The following ARB2A variants were observed in gnomAD, a reference collection of about 807,000 sequenced individuals.
The protein encoded by ARB2A is ARB2 cotranscriptional regulator A.
the ARB2A span, among the ~76,000 whole-genome samples, chr5:94,069,016 C>T: frequency 1.3e-5 from 2 of 148,232 alleles, no homozygotes; most frequent in East Asian, 2.0e-4. Flanking sequence ...GCCTCGGCAA[C>T]AATAGTGAAA....
At chr5:93,892,865 C>A in the ARB2A span, among the ~76,000 whole-genome samples, 1 of 152,120 alleles carries the variant, frequency 6.6e-6, no homozygotes, top group African/African-American at 2.4e-5. Context: ...GAGTCCTTAG[C>A]AGATTACTTA....
At chr5:93,998,689 G>C in the ARB2A span, among the ~76,000 whole-genome samples, 2 of 151,908 alleles carry the variant, frequency 1.3e-5, no homozygotes, top group Non-Finnish European at 1.5e-5. Flanking sequence ...AGTTTAAAGA[G>C]ATATTCCATT....
At chr5:94,003,212 T>C in the ARB2A span, among the ~76,000 whole-genome samples, 2 of 152,186 alleles carry the variant, frequency 1.3e-5, no homozygotes, top group East Asian at 3.8e-4. Context: ...ATTAGTCAAT[T>C]TGATAGAGTA....
the ARB2A span, among the ~76,000 whole-genome samples, chr5:93,810,321 TTCTA>T: frequency 1.3e-5 from 2 of 151,998 alleles, no homozygotes; most frequent in East Asian, 1.9e-4. Flanking sequence ...TCCTCAATCT[TTCTA>T]TCTGTCAAAC....
At chr5:94,094,080 G>A in the ARB2A span, among the ~76,000 whole-genome samples, 1 of 152,156 alleles carries the variant, frequency 6.6e-6, no homozygotes, top group South Asian at 2.1e-4. Context: ...AAAGCCACAT[G>A]TACATTTTAA....
the ARB2A span, among the ~76,000 whole-genome samples, chr5:93,630,844 G>A: frequency 9.2e-5 from 14 of 152,224 alleles, no homozygotes; most frequent in Admixed American, 8.5e-4. Flanking sequence ...AGGCTGAGGT[G>A]AGAGAATCGT....
At chr5:93,703,412 G>C in the ARB2A span, among the ~76,000 whole-genome samples, 2 of 152,182 alleles carry the variant, frequency 1.3e-5, no homozygotes, top group African/African-American at 4.8e-5. Flanking sequence ...TAAGCTGTTG[G>C]GAGCAAATAA....
At chr5:93,725,642 A>G in the ARB2A span, among the ~76,000 whole-genome samples, 1 of 152,116 alleles carries the variant, frequency 6.6e-6, no homozygotes, top group Non-Finnish European at 1.5e-5. Flanking sequence ...AAGAATTTCT[A>G]TAAAACAGAT....
the ARB2A span, among the ~76,000 whole-genome samples, chr5:94,092,315 G>A: frequency 2.0e-5 from 3 of 152,088 alleles, no homozygotes; most frequent in Admixed American, 2.0e-4. Context: ...TTCTAAATAT[G>A]ATATTTCCCT....
chr5:93,991,329 T>C, the ARB2A span, among the ~76,000 whole-genome samples: 18 of 152,212 alleles, frequency 1.2e-4, no homozygotes, highest in East Asian at 3.5e-3. Flanking sequence ...TCAACATTTG[T>C]TAAAAGGGAG....
chr5:93,664,686 A>G, the ARB2A span, among the ~76,000 whole-genome samples: 1 of 150,448 alleles, frequency 6.6e-6, no homozygotes, highest in Non-Finnish European at 1.5e-5. Context: ...TGTGACAAAT[A>G]TACATAATAT....
At chr5:93,765,646 A>C in the ARB2A span, among the ~76,000 whole-genome samples, 1 of 152,226 alleles carries the variant, frequency 6.6e-6, no homozygotes, top group Admixed American at 6.5e-5. Flanking sequence ...ATTCAATGCC[A>C]TCCCCATCAA....
At chr5:93,704,369 C>T in the ARB2A span, among the ~76,000 whole-genome samples, 1 of 152,190 alleles carries the variant, frequency 6.6e-6, no homozygotes, top group South Asian at 2.1e-4. Flanking sequence ...AGCCTACAAG[C>T]ATAGGGAGAC....
the ARB2A span, chr5:93,741,320 G>A: frequency 5.5e-5 from 88 of 1,612,892 alleles, no homozygotes; most frequent in Non-Finnish European, 7.2e-5. Flanking sequence ...GCTCCAAGAC[G>A]GGGCCTGCAG....
the ARB2A span, among the ~76,000 whole-genome samples, chr5:93,646,947 C>T: frequency 1.2e-4 from 18 of 152,200 alleles, 1 homozygote; most frequent in East Asian, 3.3e-3. Flanking sequence ...ACATTTGTCA[C>T]ATTTATCACT....
chr5:93,707,053 C>T, the ARB2A span, among the ~76,000 whole-genome samples: 2 of 152,200 alleles, frequency 1.3e-5, no homozygotes, highest in African/African-American at 4.8e-5. Flanking sequence ...GGAAATTAAT[C>T]ATCTGGATAG....
chr5:93,973,241 T>A, the ARB2A span, among the ~76,000 whole-genome samples: 1 of 151,858 alleles, frequency 6.6e-6, no homozygotes, highest in Non-Finnish European at 1.5e-5. Flanking sequence ...GTTCTAGGCG[T>A]GAGCCACTGT....
chr5:93,764,806 G>A, the ARB2A span, among the ~76,000 whole-genome samples: 1 of 152,254 alleles, frequency 6.6e-6, no homozygotes, highest in East Asian at 1.9e-4. Context: ...TAAAATACTG[G>A]CAAAATGAAT....
chr5:94,040,384 A>AGG, the ARB2A span, among the ~76,000 whole-genome samples: 1 of 151,546 alleles, frequency 6.6e-6, no homozygotes, highest in Non-Finnish European at 1.5e-5. Flanking sequence ...TTTAAGTTTT[A>AGG]GGGTACATGT....
Sources: allele counts gnomAD v4.1 joint callset (sites outside exome capture counted in the v4.1 genomes callset), GRCh38; gene constraint gnomAD v4.1.1; transcripts MANE v1.5; gene names NCBI Gene and HGNC (gene_info 2026-07-23, HGNC 2026-07-21).